Variants in RBMS3 observed in about 807,000 individuals in gnomAD.
RBMS3 encodes RNA-binding motif, single-stranded-interacting protein 3.
RBMS3 carries 27 observed loss-of-function variants against 66.8 expected under a neutral mutation model. The observed-to-expected ratio is 0.40, with a 90% CI of 0.30 to 0.56. The LOEUF (loss-of-function observed/expected upper bound fraction) is 0.56. Among genes scored for constraint, RBMS3 ranks in the 20% least tolerant of loss-of-function variants. The probability of loss-of-function intolerance (pLI) is 0.40; values close to 1 mark genes in which losing one functional copy is unlikely to be tolerated. For missense variants in RBMS3, 513 were observed against 549.5 expected (o/e 0.93, Z 0.66); for synonymous variants, 188 against 183.0 (o/e 1.03, Z -0.22).
chr3:29,644,863 A>T (rs1322286995), intron 4 of RBMS3, among the ~76,000 whole-genome samples: 11 of 152,196 alleles, frequency 7.2e-5, no homozygotes, highest in Admixed American at 5.9e-4. Context: ...TACCCAATAA[A>T]AATTACATTT....
chr3:29,566,634 CAAAAAAA>C (rs11445860), intron 3 of RBMS3, among the ~76,000 whole-genome samples: 5 of 119,910 alleles, frequency 4.2e-5, no homozygotes, highest in African/African-American at 1.5e-4. Context: ...AAGCAAAATG[CAAAAAAA>C]AAAAAAAAAA....
chr3:29,885,795 G>A (rs2059855939), intron 8 of RBMS3, among the ~76,000 whole-genome samples: 1 of 151,622 alleles, frequency 6.6e-6, no homozygotes, highest in Non-Finnish European at 1.5e-5. Context: ...TATGTATTAT[G>A]TATGTATATA....
In RBMS3 at chr3:29,897,278, CG is replaced by C; in HGVS notation, c.792-98del. The C allele has an allele frequency of 1.7e-5, 17 of 1,001,846 alleles. No individual in the cohort carries two copies. In the South Asian group the frequency reaches 2.3e-4, roughly 14 times the overall value. 62.1% of individuals were successfully genotyped at this position (1,001,846 alleles called of 1,614,324 possible). A position where few individuals can be genotyped will look rare whatever the true frequency, so the allele number is the denominator to read the frequency against. On this transcript the variant is annotated intron_variant, in intron 8 of 14. Coordinates refer to ENST00000383767, the MANE Select transcript of RBMS3 (RefSeq NM_001003793.3). ...TGTTAATGGTTGGTGGAAAAACGTGCGGGTGGAAATATGTCTTTCCCATAGG... is the reference window on the plus strand; with the variant it reads ...TGTTAATGGTTGGTGGAAAAACGTGCGGTGGAAATATGTCTTTCCCATAGG...
At chr3:29,880,553 A>G (rs1039294469) in intron 7 of RBMS3, among the ~76,000 whole-genome samples, 36 of 152,208 alleles carry the variant, frequency 2.4e-4, no homozygotes, top group African/African-American at 8.2e-4. Flanking sequence ...ACAAAAGGAA[A>G]TTGAATGCAA....
intron 6 of RBMS3, among the ~76,000 whole-genome samples, chr3:29,843,143 C>T (rs1170858848): frequency 1.3e-5 from 2 of 152,180 alleles, no homozygotes; most frequent in Non-Finnish European, 2.9e-5. Flanking sequence ...AAGTTCAACC[C>T]TTGTGTCATA....
chr3:29,842,314 T>C (rs754175089), intron 6 of RBMS3, among the ~76,000 whole-genome samples: 6 of 152,144 alleles, frequency 3.9e-5, no homozygotes, highest in Non-Finnish European at 8.8e-5. Context: ...TCATTAAAGT[T>C]TTCTTTAGAA....
At chr3:29,696,082 C>T (rs1395964280) in intron 4 of RBMS3, among the ~76,000 whole-genome samples, 1 of 152,160 alleles carries the variant, frequency 6.6e-6, no homozygotes, top group East Asian at 1.9e-4. Context: ...TCCATGTCTT[C>T]TGTTAACTCC....
At chr3:29,306,284 T>G (rs1286428941) in intron 1 of RBMS3, among the ~76,000 whole-genome samples, 1 of 151,930 alleles carries the variant, frequency 6.6e-6, no homozygotes, top group Non-Finnish European at 1.5e-5. Context: ...AATCTAGGAA[T>G]AGCAGCTGTT....
In RBMS3 at chr3:29,916,156, T is replaced by C. The variant is rs541928830; in HGVS notation, c.939+16401T>C. Among the ~76,000 whole-genome samples the C allele has an allele frequency of 9.9e-5, 15 of 152,124 alleles. No homozygotes were observed. In the South Asian group the frequency reaches 3.1e-3, roughly 31 times the overall value. ...ATAAATTGTTACAGCATTGGTTTCC[T>C]AGCAGAGCCAAAATTATGCAAGGAG... On this transcript the variant is annotated intron_variant, in intron 10 of 14. Transcript: ENST00000383767.
chr3:29,510,266 T>C (rs1281809510), intron 3 of RBMS3, among the ~76,000 whole-genome samples: 3 of 152,206 alleles, frequency 2.0e-5, no homozygotes, highest in African/African-American at 7.2e-5. Context: ...TTTCACCTTG[T>C]TCTAATATGT....
chr3:29,403,949 G>A (rs1292794479), intron 1 of RBMS3, among the ~76,000 whole-genome samples: 1 of 151,990 alleles, frequency 6.6e-6, no homozygotes, highest in East Asian at 1.9e-4. Context: ...ATGACTTTAT[G>A]TTTTGATATC....
At chr3:29,606,933 A>G (rs1407453329) in intron 4 of RBMS3, among the ~76,000 whole-genome samples, 1 of 152,016 alleles carries the variant, frequency 6.6e-6, no homozygotes, top group Non-Finnish European at 1.5e-5. Flanking sequence ...AAAGCATTCT[A>G]TAATATGCAA....
intron 2 of RBMS3, among the ~76,000 whole-genome samples, chr3:29,481,370 A>C (rs1024871167): frequency 1.3e-5 from 2 of 152,194 alleles, no homozygotes; most frequent in African/African-American, 2.4e-5. Flanking sequence ...TCTAGAAGGC[A>C]AATGGTTCTG....
At chr3:29,474,008 G>A (rs1398565412) in intron 2 of RBMS3, among the ~76,000 whole-genome samples, 3 of 152,354 alleles carry the variant, frequency 2.0e-5, no homozygotes, top group Middle Eastern at 6.8e-3. Flanking sequence ...AGTCCAGGCA[G>A]AGGAGAGGCC....
chr3:29,779,865 T>G (rs2056566463), intron 6 of RBMS3, among the ~76,000 whole-genome samples: 1 of 150,004 alleles, frequency 6.7e-6, no homozygotes, highest in African/African-American at 2.4e-5. Flanking sequence ...TGAGTAAGCT[T>G]TTTTTTTTAA....
chr3:29,286,836 A>G (rs1229062819), intron 1 of RBMS3, among the ~76,000 whole-genome samples: 1 of 152,156 alleles, frequency 6.6e-6, no homozygotes, highest in African/African-American at 2.4e-5. Flanking sequence ...AACAACAAAA[A>G]AAGTATTTTC....
intron 4 of RBMS3, among the ~76,000 whole-genome samples, chr3:29,595,996 A>T (rs4632508): frequency 0.15 from 22,768 of 152,130 alleles, 1,967 homozygotes; most frequent in East Asian, 0.32. Flanking sequence ...AACTCACAAG[A>T]CCGGTGAGTT....
chr3:29,655,394 C>T (rs998511530), intron 4 of RBMS3, among the ~76,000 whole-genome samples: 5 of 152,102 alleles, frequency 3.3e-5, no homozygotes, highest in Admixed American at 1.3e-4. Context: ...GATTTGTTTG[C>T]GTGATACTTT....
intron 1 of RBMS3, among the ~76,000 whole-genome samples, chr3:29,406,807 A>G (rs1440589446): frequency 1.3e-5 from 2 of 152,202 alleles, no homozygotes; most frequent in Non-Finnish European, 2.9e-5. Context: ...TCAGTTAGAA[A>G]TCCCAAAATA....
Sources: gnomAD v4.1 joint callset for allele counts (sites outside exome capture counted in the v4.1 genomes callset) on GRCh38, gnomAD v4.1.1 for gene constraint, MANE v1.5 for transcripts, NCBI Gene and HGNC (gene_info 2026-07-23, HGNC 2026-07-21) for gene names.